FHAD1: variants seen among roughly 807,000 people sequenced by gnomAD.
FHAD1 encodes forkhead-associated domain-containing protein 1.
A neutral mutation model predicts 191.3 loss-of-function variants in FHAD1; 146 were observed. The ratio of observed to expected loss-of-function variants is 0.76; its 90% CI spans 0.67 to 0.88. The LOEUF is 0.88. FHAD1 is among the 40% of genes least tolerant of loss of function. The pLI is 0.00. For missense variants in FHAD1, 1,635 were observed against 1,785.8 expected (o/e 0.92, Z 1.52); for synonymous variants, 616 against 672.3 (o/e 0.92, Z 1.29).
Position 15,365,930 on chromosome 1 carries a change from A to T in FHAD1, c.3151A>T (p.Arg1051Ter). 6.5e-7 allele frequency: 1 copy of T among 1,548,506 alleles called. No homozygotes were observed. The highest frequency in any genetic ancestry group is 8.7e-7 in the Non-Finnish European group (1 of 1,144,090). ...AGCCCACAGCAGAATGTCGGATTTG[A>T]GAGGTTTGAACAATTTCTGGTGTCT... ...TEAHSRMSDL[R>*]GELNEKQKME... Residue 1051 changes from arginine to a stop codon, truncating the protein, a stop_gained, in exon 24 of 34, where the codon AGA (arginine) becomes TGA (stop). Coordinates refer to ENST00000688493, the MANE Select transcript of FHAD1 (RefSeq NM_001391957.1). LOFTEE classifies it high-confidence loss of function.
rs543332851 is a variant in FHAD1, at chr1:15,365,819, A to T, written c.3048-8A>T. ...TGAACTGACTTCACCTGTTTTTGTG[A>T]ATTTCAGAGATGACTTATTGGCTGC... is the stretch of plus-strand genomic sequence containing the variant. On this transcript the variant is annotated splice_polypyrimidine_tract_variant and splice_region_variant and intron_variant, in intron 23 of 33. Coordinates refer to ENST00000688493, the MANE Select transcript of FHAD1 (RefSeq NM_001391957.1). 6.5e-7 allele frequency: 1 copy of T among 1,542,340 alleles called. No individual in the cohort carries two copies. The highest frequency in any genetic ancestry group is 2.4e-5 in the East Asian group (1 of 40,862).
chr1:15,380,652 A>T, intron 28 of FHAD1, 49 bp from the exon 29 acceptor site: 1 of 1,429,600 alleles, frequency 7.0e-7, no homozygotes, highest in Non-Finnish European at 9.6e-7. Context: ...AGTCATAGAA[A>T]GTCATAATGG....
chr1:15,242,231 TAAAAAAAAA>T (rs36173259), upstream of FHAD1, among the ~76,000 whole-genome samples: 2 of 122,564 alleles, frequency 1.6e-5, no homozygotes, highest in African/African-American at 3.1e-5. Context: ...AGACTCCATC[TAAAAAAAAA>T]AAAAAAAAAA....
chr1:15,366,060 G>A, intron 24 of FHAD1, 127 bp downstream of exon 24: 1 of 611,216 alleles, frequency 1.6e-6, no homozygotes, highest in South Asian at 2.1e-5. Context: ...GGCCAAGGCA[G>A]TTGGATCACA....
intron 3 of FHAD1, 60 bp downstream of exon 3, chr1:15,272,589 G>A (rs562545155): frequency 2.7e-5 from 39 of 1,452,084 alleles, no homozygotes; most frequent in Admixed American, 1.2e-4. Flanking sequence ...CCCGGCGCTC[G>A]GATGCAGCTG....
chr1:15,308,687 C>G lies in FHAD1; in HGVS notation c.990C>G (p.Ser330=), dbSNP rs1382554592. Residue 330 remains serine (S), a synonymous_variant, in exon 7 of 34, where the codon TCC becomes TCG. Transcript: ENST00000688493. ...TLSERNSEIT[S]LKNEGENLKR... ...CAGAGCGGAACTCAGAAATCACATC[C>G]CTGAAGAATGAGGGCGAGAACTTAA... The G allele has an allele frequency of 6.4e-7, 1 of 1,551,714 alleles. No homozygotes were observed. The highest frequency in any genetic ancestry group is 1.2e-5 in the South Asian group (1 of 84,058).
At chr1:15,366,907 G>T (rs1459776415) in intron 24 of FHAD1, among the ~76,000 whole-genome samples, 3 of 152,180 alleles carry the variant, frequency 2.0e-5, no homozygotes, top group Non-Finnish European at 4.4e-5. Flanking sequence ...GCATAAACAG[G>T]CAGGAGCTGG....
intron 23 of FHAD1, among the ~76,000 whole-genome samples, chr1:15,365,501 T>TTTTTTTTTTTTTTTTTTG (rs1696138852): frequency 6.8e-6 from 1 of 146,684 alleles, no homozygotes; most frequent in African/African-American, 2.6e-5. Context: ...TTTTTTTTTT[T>TTTTTTTTTTTTTTTTTTG]GTAGAGACGG....
chr1:15,381,834 T>C lies in FHAD1; in HGVS notation c.4023-194T>C, dbSNP rs944056532. Among the ~76,000 whole-genome samples, 1 of 151,798 alleles carries C rather than the reference T, an allele frequency of 6.6e-6. No individual in the cohort carries two copies. Among genetic ancestry groups the C allele is most frequent in the African/African-American group, 2.4e-5 (1 of 41,354 alleles). ...TAGCACATCCTTTATCCCCTCCCGC[T>C]ACACACATTCGGCTGATGAATGGCT... On this transcript the variant is annotated intron_variant, in intron 30 of 33. Transcript: ENST00000688493. This position sits in a 1 kb window ranked among gnomAD's most constrained non-coding sequence, Gnocchi z 4.6.
intron 23 of FHAD1, 113 bp from the exon 24 acceptor site, chr1:15,365,714 T>C (rs67003441): frequency 3.0e-6 from 2 of 671,810 alleles, no homozygotes; most frequent in South Asian, 3.6e-5. Context: ...GGACTGGCGT[T>C]GCATGGACCG....
At chr1:15,240,647 AG>A (rs370130264) in intron 1 of FHAD1, among the ~76,000 whole-genome samples, 14,018 of 137,314 alleles carry the variant, frequency 0.1, 681 homozygotes, top group South Asian at 0.15. Flanking sequence ...AAAAAAAAAA[AG>A]AAAGAAAAAG....
At chr1:15,286,722 G>A (rs928233993) in intron 3 of FHAD1, among the ~76,000 whole-genome samples, 12 of 152,164 alleles carry the variant, frequency 7.9e-5, no homozygotes, top group Non-Finnish European at 1.5e-4. Flanking sequence ...ACAATTGGCC[G>A]AGAGAGGGAG....
chr1:15,238,953 G>A (rs1645069929), intron 1 of FHAD1, among the ~76,000 whole-genome samples: 2 of 152,164 alleles, frequency 1.3e-5, no homozygotes, highest in South Asian at 4.1e-4. Flanking sequence ...AGTCACCCAG[G>A]CAGGAGTGCA....
chr1:15,296,855 C>A, intron 5 of FHAD1, 62 bp downstream of exon 5: 1 of 1,349,956 alleles, frequency 7.4e-7, no homozygotes, highest in Non-Finnish European at 1.0e-6. Flanking sequence ...AAGGGACTTG[C>A]CGATGCCTGT....
At chr1:15,240,610 C>T (rs1320461634) in intron 1 of FHAD1, among the ~76,000 whole-genome samples, 2 of 115,486 alleles carry the variant, frequency 1.7e-5, no homozygotes, top group African/African-American at 3.4e-5. Context: ...CCAGCCTGGA[C>T]AACAGGAGAG....
In FHAD1 at chr1:15,313,199, T is replaced by A. The variant is rs752359916; in HGVS notation, c.1170+12T>A. On this transcript the variant is annotated intron_variant, in intron 8 of 33. Transcript: ENST00000688493. ...CCCTTGGCTCTAGAGTGAGTAAGGATGACTGCGTCACCTTGTAGCCATCCG... is the reference window on the plus strand; with the variant it reads ...CCCTTGGCTCTAGAGTGAGTAAGGAAGACTGCGTCACCTTGTAGCCATCCG... 1.9e-6 allele frequency: 3 copies of A among 1,551,578 alleles called. No individual in the cohort carries two copies. Among genetic ancestry groups the A allele is most frequent in the Non-Finnish European group, 2.6e-6 (3 of 1,146,876 alleles).
At chr1:15,342,820 C>T (rs1687291776) in intron 16 of FHAD1, among the ~76,000 whole-genome samples, 1 of 151,566 alleles carries the variant, frequency 6.6e-6, no homozygotes, top group Admixed American at 6.6e-5. Flanking sequence ...GCACTACACC[C>T]AGCTAATTAT....
At chr1:15,382,319 A>G in intron 31 of FHAD1, 126 bp downstream of exon 31, 1 of 935,342 alleles carries the variant, frequency 1.1e-6, no homozygotes, top group South Asian at 1.8e-5. Context: ...AAGGGAGGCA[A>G]CTGGATAGCT....
At chr1:15,402,178 C>A (rs752829493), downstream of FHAD1, among the ~76,000 whole-genome samples, 31 of 152,300 alleles carry the variant, frequency 2.0e-4, no homozygotes, top group Non-Finnish European at 4.1e-4. Context: ...ACACTGGGGG[C>A]CTACTATGGG....
Sources: gnomAD v4.1 joint callset for allele counts (sites outside exome capture counted in the v4.1 genomes callset) on GRCh38, gnomAD v4.1.1 for gene constraint, Gnocchi (gnomAD v3.1) non-coding constraint, MANE v1.5 for transcripts, NCBI Gene and HGNC (gene_info 2026-07-23, HGNC 2026-07-21) for gene names.